LRRC32: variants seen among roughly 807,000 people sequenced by gnomAD.
The protein encoded by LRRC32 is leucine rich repeat containing 32.
Under a neutral mutation model 15.0 loss-of-function variants are expected in LRRC32, and 5 were observed. The ratio of observed to expected loss-of-function variants is 0.33; its 90% CI spans 0.17 to 0.70. LRRC32 has a LOEUF of 0.70. Ranked by LOEUF, LRRC32 falls within the 30% of genes least tolerant of loss-of-function variation. The pLI is 0.66. For synonymous variants in LRRC32, 391 were observed against 403.9 expected (o/e 0.97, Z 0.38); for missense variants, 803 against 854.2 (o/e 0.94, Z 0.75).
intron 2 of LRRC32, 118 bp downstream of exon 2, chr11:76,665,753 T>C: frequency 6.9e-7 from 1 of 1,458,382 alleles, no homozygotes; most frequent in Non-Finnish European, 9.4e-7. Context: ...AAATGCAAGG[T>C]ACATTCCCTT....
rs1952531285 is a variant in LRRC32 at position 76,661,455 on chromosome 11, C to A, written c.138G>T (p.Val46=). The change falls in exon 3 of 3, where the codon GTG becomes GTT. Residue 46 remains valine (V), a synonymous_variant. Transcript: ENST00000260061. ...CAAGGGTCTCAGTGTCTGGCGGGAG[C>A]ACCGAGGGGACCTGGAGCAGGCCCA... ...QVLGLLQVPS[V]LPPDTETLDL... 6.2e-7 allele frequency: 1 copy of A among 1,613,374 alleles called. No individual in the cohort carries two copies. The highest frequency in any genetic ancestry group is 1.7e-5 in the Admixed American group (1 of 59,908).
At chr11:76,662,726 T>C (rs1952558088) in intron 2 of LRRC32, 1 of 152,420 alleles carries the variant, frequency 6.6e-6, no homozygotes, top group Non-Finnish European at 1.5e-5. Flanking sequence ...GCCAACCCGT[T>C]CTGACCCACT....
chr11:76,659,796 G>A lies in LRRC32; in HGVS notation c.1797C>T (p.Ile599=), dbSNP rs761736282. 1.9e-6 allele frequency: 3 copies of A among 1,614,220 alleles called. No individual in the cohort carries two copies. Among genetic ancestry groups the A allele is most frequent in the Non-Finnish European group, 1.7e-6 (2 of 1,180,040 alleles). Residue 599 remains isoleucine, a synonymous_variant, in exon 3 of 3, where the codon ATC becomes ATT. Transcript: ENST00000260061. ...RVDVDATQDL[I]CRFSSQEEVS... is the part of the protein sequence containing the mutation. ...CCTCCTCCTGGGAGCTGAAGCGGCA[G>A]ATCAGGTCCTGGGTGGCGTCCACGT... is the stretch of plus-strand genomic sequence containing the variant.
At chr11:76,669,345 ATGTGTGTGTGTG>A (rs112355864) in intron 1 of LRRC32, among the ~76,000 whole-genome samples, 25 of 123,544 alleles carry the variant, frequency 2.0e-4, no homozygotes, top group African/African-American at 6.1e-4. Context: ...GTGCCAAAGA[ATGTGTGTGTGTG>A]TGTGTGTGTG....
At chr11:76,666,640 C>G (rs1163584858) in intron 1 of LRRC32, among the ~76,000 whole-genome samples, 1 of 152,200 alleles carries the variant, frequency 6.6e-6, no homozygotes, top group Admixed American at 6.5e-5. Flanking sequence ...ACACTCCGGC[C>G]TCCTGGGCCA....
In LRRC32 at chr11:76,659,316, G is replaced by T. The variant is rs1204885436; in HGVS notation, c.*288C>A. On this transcript the variant is annotated 3_prime_UTR_variant, in exon 3 of 3. Transcript: ENST00000260061. ...CCAGCATTCCCAGTGCCCAGAGCAG[G>T]GTGTGGCACAAAATACATGCTCAGT... 1 of 399,492 alleles carries T rather than the reference G, an allele frequency of 2.5e-6. No individual in the cohort carries two copies. The highest frequency in any genetic ancestry group is 4.6e-6 in the Non-Finnish European group (1 of 218,730). The allele number at this position is 399,492 out of a possible 1,614,324, so 24.7% of individuals were successfully genotyped here.
Position 76,659,520 on chromosome 11 carries a change from G to T in LRRC32, c.*84C>A. 1 of 1,415,558 alleles carries T rather than the reference G, an allele frequency of 7.1e-7. No individual in the cohort carries two copies. The highest frequency in any genetic ancestry group is 1.4e-5 in the South Asian group (1 of 73,720). The allele number at this position is 1,415,558 out of a possible 1,614,324, so 87.7% of individuals were successfully genotyped here. A position where few individuals can be genotyped will look rare whatever the true frequency, so the allele number is the denominator to read the frequency against. On this transcript the variant is annotated 3_prime_UTR_variant, in exon 3 of 3. Coordinates refer to ENST00000260061, the MANE Select transcript of LRRC32 (RefSeq NM_001128922.2). ...TTGGAGACCAGAGTTCTGGGATCCCGGATCACTGTGTGACCTTGAGTCAGT... is the reference window on the plus strand; with the variant it reads ...TTGGAGACCAGAGTTCTGGGATCCCTGATCACTGTGTGACCTTGAGTCAGT...
intron 2 of LRRC32, chr11:76,663,244 T>C (rs1476200708): frequency 6.6e-6 from 1 of 152,200 alleles, no homozygotes; most frequent in Admixed American, 6.5e-5. Context: ...ACTGAATCAA[T>C]CACTTCTCTA....
intron 1 of LRRC32, among the ~76,000 whole-genome samples, chr11:76,667,877 C>G (rs552048452): frequency 6.6e-6 from 1 of 152,240 alleles, no homozygotes; most frequent in African/African-American, 2.4e-5. Flanking sequence ...TCACTTTCTC[C>G]CCTCTCCTCT....
chr11:76,661,538 G>T, intron 2 of LRRC32, 30 bp from the exon 3 acceptor site: 1 of 1,546,078 alleles, frequency 6.5e-7, no homozygotes. Flanking sequence ...GGAGACAGCT[G>T]GCATAAGTGG....
rs766054668 is a variant in LRRC32, at chr11:76,661,409, G to A, written c.184C>T (p.Arg62Trp). 5.6e-6 allele frequency: 9 copies of A among 1,614,124 alleles called. No individual in the cohort carries two copies. In the Admixed American group the frequency reaches 6.7e-5, roughly 12 times the overall value. Residue 62 changes from arginine to tryptophan, a missense_variant, in exon 3 of 3, where the codon CGG becomes TGG. Arg to Trp is a moderately radical substitution (Grantham distance 101, BLOSUM62 -3). Coordinates refer to ENST00000260061, the MANE Select transcript of LRRC32 (RefSeq NM_001128922.2). ...CCCAGGGGTGAGGCCAGGATACTCC[G>A]CAGCTGGTTCCCAGATAGATCAAGG... ...ETLDLSGNQL[R>W]SILASPLGFY...
At chr11:76,669,388 A>AGT (rs1417583957) in intron 1 of LRRC32, among the ~76,000 whole-genome samples, 44 of 88,190 alleles carry the variant, frequency 5.0e-4, no homozygotes, top group Middle Eastern at 6.7e-3. Flanking sequence ...TGTGTGTGTG[A>AGT]GAGAGAGAGA....
chr11:76,662,697 GC>G, intron 2 of LRRC32: 1 of 152,426 alleles, frequency 6.6e-6, no homozygotes. Flanking sequence ...CAGGCTCACC[GC>G]CCCCAGCTTC....
At position 76,666,498 on chromosome 11, in the gene LRRC32, G is replaced by A. The variant is rs188308227; in HGVS notation, c.-4-540C>T. On this transcript the variant is annotated intron_variant, in intron 1 of 2. Transcript: ENST00000260061. ...TTTTCCTTTTGATTCTCTGATTCTC[G>A]AGCCCTTGCCATTGTTCAAGGGCTG... is the stretch of plus-strand genomic sequence containing the variant. Among the ~76,000 whole-genome samples, 171 of 152,260 alleles carry A rather than the reference G, an allele frequency of 1.1e-3. 3 individuals are homozygous for A. The South Asian group carries it at 0.015, about 13-fold the overall frequency.
chr11:76,669,374 TGTGTGTGTGTGTGAGA>T (rs1170616989), intron 1 of LRRC32, among the ~76,000 whole-genome samples: 2 of 148,376 alleles, frequency 1.3e-5, no homozygotes, highest in Non-Finnish European at 3.0e-5. Flanking sequence ...TGTGTGTGTG[TGTGTGTGTGTGTGAGA>T]GAGAGAGAGA....
Position 76,660,481 on chromosome 11 carries a change from C to G in LRRC32, c.1112G>C (p.Ser371Thr). Residue 371 changes from serine (S) to threonine (T), a missense_variant, in exon 3 of 3, where the codon AGC becomes ACC. Physicochemically the swap from Ser to Thr is moderately conservative, Grantham distance 58. Coordinates refer to ENST00000260061, the MANE Select transcript of LRRC32 (RefSeq NM_001128922.2). ...TTCCAGTGTCTCCAGGGCATTGTGG[C>G]TTAAGTCAAGGAGCATCAGGCAGGG... ...SLPCLMLLDLSHNALETLELG... is the reference protein window; with the variant it reads ...SLPCLMLLDLTHNALETLELG... The G allele has an allele frequency of 6.2e-7, 1 of 1,614,036 alleles. No homozygotes were observed. Among genetic ancestry groups the G allele is most frequent in the South Asian group, 1.1e-5 (1 of 91,070 alleles).
rs184919110 is a variant in LRRC32, at chr11:76,659,557, T to G, written c.*47A>C. ...GACCTTGAGTCAGTCCTCACTCTTCTCTGTACCTCAGGCTCCCCCACTGAC... is the reference window on the plus strand; with the variant it reads ...GACCTTGAGTCAGTCCTCACTCTTCGCTGTACCTCAGGCTCCCCCACTGAC... On this transcript the variant is annotated 3_prime_UTR_variant, in exon 3 of 3. Transcript: ENST00000260061. The G allele has an allele frequency of 3.0e-4, 468 of 1,579,594 alleles. No individual in the cohort carries two copies. In the African/African-American group the frequency reaches 6.0e-3, roughly 20 times the overall value.
chr11:76,665,904 A>G lies in LRRC32; in HGVS notation c.51T>C (p.Ala17=). 6.2e-7 allele frequency: 1 copy of G among 1,614,096 alleles called. No individual in the cohort carries two copies. Among genetic ancestry groups the G allele is most frequent in the East Asian group, 2.2e-5 (1 of 44,882 alleles). Residue 17 remains alanine, a synonymous_variant, in exon 2 of 3, where the codon GCT becomes GCC. Transcript: ENST00000260061. The part of the protein sequence containing the change: ...LLLALLTLGL[A]AQHQDKVPCK... ...AGGGCACTTTGTCTTGGTGTTGTGC[A>G]GCCAGGCCTAGGGTCAGCAGGGCCA...
intron 1 of LRRC32, among the ~76,000 whole-genome samples, chr11:76,666,697 C>T (rs1952632300): frequency 6.6e-6 from 1 of 152,238 alleles, no homozygotes; most frequent in African/African-American, 2.4e-5. Flanking sequence ...GGGGACCGCA[C>T]AGGCCCTTAG....
Sources: allele counts gnomAD v4.1 joint callset (sites outside exome capture counted in the v4.1 genomes callset), GRCh38; gene constraint gnomAD v4.1.1; transcripts MANE v1.5; gene names NCBI Gene and HGNC (gene_info 2026-07-23, HGNC 2026-07-21).